CABLES2: variants seen among roughly 807,000 people sequenced by gnomAD.
CABLES2 encodes the protein CDK5 and ABL1 enzyme substrate 2.
A neutral mutation model predicts 44.8 loss-of-function variants in CABLES2; 35 were observed. The observed-to-expected ratio is 0.78, with a 90% CI of 0.60 to 1.04. CABLES2 has a LOEUF of 1.04. CABLES2 is among the 50% of genes least tolerant of loss of function. CABLES2 has a pLI of 0.00. For synonymous variants in CABLES2, 282 were observed against 281.1 expected, an observed-to-expected ratio of 1.00 and a Z score of -0.03; for missense variants, 566 against 615.7, an observed-to-expected ratio of 0.92 and a Z score of 0.85.
At chr20:62,400,673 G>T (rs2146427432) in intron 1 of CABLES2, among the ~76,000 whole-genome samples, 1 of 152,296 alleles carries the variant, frequency 6.6e-6, no homozygotes, top group African/African-American at 2.4e-5. Flanking sequence ...GGAGGCCCGT[G>T]GGGGTCCCAG....
intron 1 of CABLES2, 45 bp downstream of exon 1, chr20:62,406,870 C>T: frequency 1.8e-6 from 2 of 1,094,526 alleles, no homozygotes; most frequent in Non-Finnish European, 2.3e-6. Flanking sequence ...CGTCCCCGTC[C>T]CTGTACCCCG....
intron 4 of CABLES2, among the ~76,000 whole-genome samples, 181 bp downstream of exon 4, chr20:62,394,756 G>A (rs776201642): frequency 8.5e-5 from 13 of 152,224 alleles, no homozygotes; most frequent in Non-Finnish European, 1.8e-4. Context: ...GTGAGGACCC[G>A]AAACGGCCCC....
Position 62,396,226 on chromosome 20 carries a change from G to T in CABLES2, c.527+89C>A. Reference sequence around the variant, plus strand: ...TGGGGTGGGCGGGAGCTTTGGGAGTGGAGGGAAGATTGCTTGGCTGACAGG... The same window carrying T: ...TGGGGTGGGCGGGAGCTTTGGGAGTTGAGGGAAGATTGCTTGGCTGACAGG... On this transcript the variant is annotated intron_variant, in intron 3 of 9. Transcript: ENST00000279101. This position sits in a 1 kb window ranked among gnomAD's most constrained non-coding sequence, Gnocchi z 5.7. The T allele has an allele frequency of 9.0e-7, 1 of 1,108,960 alleles. No individual in the cohort carries two copies. Among genetic ancestry groups the T allele is most frequent in the Non-Finnish European group, 1.4e-6 (1 of 727,312 alleles). The allele number at this position is 1,108,960 out of a possible 1,614,324, so 68.7% of individuals were successfully genotyped here. A position where few individuals can be genotyped will look rare whatever the true frequency, so the allele number is the denominator to read the frequency against.
At chr20:62,394,107 C>T in intron 5 of CABLES2, 50 bp downstream of exon 5, 1 of 1,475,742 alleles carries the variant, frequency 6.8e-7, no homozygotes, top group Non-Finnish European at 9.5e-7. Flanking sequence ...CTCCCACCCG[C>T]CTGCCTGGCC....
In CABLES2 at chr20:62,388,771, A is replaced by C. The variant is rs1987847682; in HGVS notation, c.*2200T>G. 2.2e-6 allele frequency: 1 copy of C among 463,108 alleles called. No individual in the cohort carries two copies. The highest frequency in any genetic ancestry group is 3.9e-6 in the Non-Finnish European group (1 of 256,602). The allele number at this position is 463,108 out of a possible 1,614,324, so 28.7% of individuals were successfully genotyped here. On this transcript the variant is annotated 3_prime_UTR_variant, in exon 10 of 10. Coordinates refer to ENST00000279101, the MANE Select transcript of CABLES2 (RefSeq NM_031215.3). ...CACAACTGCTACCGGTGCGGAAGCA[A>C]CGCCAGGCCTGGTTCTGTATAGTCA... is the stretch of plus-strand genomic sequence containing the variant.
Position 62,406,985 on chromosome 20 carries a change from G to A in CABLES2, c.292C>T (p.Pro98Ser). The change falls in exon 1 of 10, where the codon CCC (proline) becomes TCC (serine). Residue 98 changes from proline (P) to serine (S), a missense_variant. Around this residue, in one of 2 missense-constraint regions of CABLES2, gnomAD observed 436 missense variants for 536.3 expected, o/e 0.81. Transcript: ENST00000279101. Reference protein sequence around the residue: ...EPPTGLPARTPAPQGLLSPTQ... With the variant: ...EPPTGLPARTSAPQGLLSPTQ... ...GGGCTGAGCAGGCCCTGGGGCGCGG[G>A]GGTCCTGGCGGGCAGCCCGGTGGGG... 2 of 1,200,440 alleles carry A rather than the reference G, an allele frequency of 1.7e-6. No homozygotes were observed. Among genetic ancestry groups the A allele is most frequent in the Non-Finnish European group, 2.1e-6 (2 of 967,740 alleles). 74.4% of individuals were successfully genotyped at this position (1,200,440 alleles called of 1,614,324 possible).
Position 62,391,177 on chromosome 20 carries a change from GC to G in CABLES2, c.1297-67del. On this transcript the variant is annotated intron_variant, in intron 9 of 9. Coordinates refer to ENST00000279101, the MANE Select transcript of CABLES2 (RefSeq NM_031215.3). The surrounding 1 kb of genome is among the most constrained non-coding windows in gnomAD (Gnocchi z 5.7). ...CTCTTCCACATTTCCCACCCGGCCA[GC>G]CCCATCCCAGCAGTGGCCCTGGCTC... 1 of 1,604,530 alleles carries G rather than the reference GC, an allele frequency of 6.2e-7. No individual in the cohort carries two copies.
intron 3 of CABLES2, among the ~76,000 whole-genome samples, chr20:62,395,270 C>G (rs578197176): frequency 1.1e-3 from 161 of 152,070 alleles, no homozygotes; most frequent in African/African-American, 3.8e-3. Context: ...CGCCGCTGCA[C>G]GTGGGCAGGC....
chr20:62,403,069 C>G (rs1217670915), intron 1 of CABLES2: 1 of 152,308 alleles, frequency 6.6e-6, no homozygotes, highest in Non-Finnish European at 1.5e-5. Flanking sequence ...CCCTCCAGAA[C>G]TGGGGGGCTC....
intron 1 of CABLES2, among the ~76,000 whole-genome samples, chr20:62,398,141 G>GT (rs1189234695): frequency 4.3e-4 from 61 of 141,934 alleles, no homozygotes; most frequent in Middle Eastern, 3.6e-3. Flanking sequence ...CGGTGGTGAT[G>GT]GTGGTGGTGG....
intron 7 of CABLES2, 101 bp from the exon 8 acceptor site, chr20:62,392,596 A>G: frequency 2.3e-6 from 2 of 885,026 alleles, no homozygotes; most frequent in South Asian, 2.8e-5. Context: ...GTTTGCAAAC[A>G]TGCATACGGT....
In CABLES2 at chr20:62,398,149, TGGTGGTGAC is replaced by T. The variant is rs1569017748; in HGVS notation, c.363-1566_363-1558del. ...GTTATGACGGTGGTGATGGTGGTGG[TGGTGGTGAC>T]GGTGATGGTGGTAATGGTGGTGGTG... is the stretch of plus-strand genomic sequence containing the variant. On this transcript the variant is annotated intron_variant, in intron 1 of 9. Coordinates refer to ENST00000279101, the MANE Select transcript of CABLES2 (RefSeq NM_031215.3). Among the ~76,000 whole-genome samples the T allele has an allele frequency of 7.8e-4, 110 of 141,772 alleles. 6 individuals are homozygous for T. In the East Asian group the frequency reaches 0.021, roughly 27 times the overall value. 93.0% of individuals were successfully genotyped at this position (141,772 alleles called of 152,430 possible).
At chr20:62,395,335 G>C (rs1987999253) in intron 3 of CABLES2, among the ~76,000 whole-genome samples, 1 of 152,200 alleles carries the variant, frequency 6.6e-6, no homozygotes, top group South Asian at 2.1e-4. Flanking sequence ...AGGGCTGGCG[G>C]CCTCACCTCA....
chr20:62,396,271 A>T lies in CABLES2; in HGVS notation c.527+44T>A. 6.4e-7 allele frequency: 1 copy of T among 1,550,810 alleles called. No homozygotes were observed. Among genetic ancestry groups the T allele is most frequent in the South Asian group, 1.1e-5 (1 of 89,820 alleles). ...GACAGGGGCAGGACCCCGTGGGCTT[A>T]TGGAGACCACAGCCCTGGCCCGGTT... On this transcript the variant is annotated intron_variant, in intron 3 of 9. Coordinates refer to ENST00000279101, the MANE Select transcript of CABLES2 (RefSeq NM_031215.3). The surrounding 1 kb of genome is among the most constrained non-coding windows in gnomAD (Gnocchi z 5.7).
Position 62,396,092 on chromosome 20 carries a change from C to T in CABLES2, c.527+223G>A, listed in dbSNP as rs1431880676. Among the ~76,000 whole-genome samples, 1 of 152,220 alleles carries T rather than the reference C, an allele frequency of 6.6e-6. No homozygotes were observed. Among genetic ancestry groups the T allele is most frequent in the Non-Finnish European group, 1.5e-5 (1 of 68,052 alleles). ...CACGTGTGACCCTTCACCTGGGAGCCCAGAGAGGGTGATCTCGCTGTGGTG... is the reference window on the plus strand; with the variant it reads ...CACGTGTGACCCTTCACCTGGGAGCTCAGAGAGGGTGATCTCGCTGTGGTG... On this transcript the variant is annotated intron_variant, in intron 3 of 9. Transcript: ENST00000279101. This position sits in a 1 kb window ranked among gnomAD's most constrained non-coding sequence, Gnocchi z 5.7.
chr20:62,396,394 ATG>A lies in CABLES2; in HGVS notation c.446_447del (p.Thr149IlefsTer7), dbSNP rs1988020705. On this transcript the variant is annotated frameshift_variant, in exon 3 of 10. Transcript: ENST00000279101. LOFTEE classifies it high-confidence loss of function. The surrounding 1 kb of genome is among the most constrained non-coding windows in gnomAD (Gnocchi z 5.7). ...AGGCCTTTATGTCTCGGTGATCCAG[ATG>A]TGTGTTTGGTTCTGCAAGGCAAAGG... ...GCAPAQRTKHTSGSPRHKGLK... is the reference protein window; with the variant it reads ...GCAPAQRTKHXSGSPRHKGLK... 1.9e-6 allele frequency: 3 copies of A among 1,612,450 alleles called. No homozygotes were observed. The highest frequency in any genetic ancestry group is 2.5e-6 in the Non-Finnish European group (3 of 1,179,592).
chr20:62,390,814 G>T lies in CABLES2; in HGVS notation c.*157C>A. 1 of 782,052 alleles carries T rather than the reference G, an allele frequency of 1.3e-6. No homozygotes were observed. The highest frequency in any genetic ancestry group is 2.0e-6 in the Non-Finnish European group (1 of 493,048). 48.4% of individuals were successfully genotyped at this position (782,052 alleles called of 1,614,324 possible). Reference sequence around the variant, plus strand: ...AGCGACGTCTCTTTCCAAGGAAATGGCAAAGAGGCAAAAAGGAAAGCTGCA... The same window carrying T: ...AGCGACGTCTCTTTCCAAGGAAATGTCAAAGAGGCAAAAAGGAAAGCTGCA... On this transcript the variant is annotated 3_prime_UTR_variant, in exon 10 of 10. Transcript: ENST00000279101.
intron 5 of CABLES2, 107 bp from the exon 6 acceptor site, chr20:62,393,712 G>T: frequency 8.3e-7 from 1 of 1,203,956 alleles, no homozygotes; most frequent in Non-Finnish European, 1.1e-6. Flanking sequence ...GCCCTGCATG[G>T]AAAATGAAGG....
rs900955945 is a variant in CABLES2, at chr20:62,396,640, C to A, written c.363-48G>T. On this transcript the variant is annotated intron_variant, in intron 1 of 9. Transcript: ENST00000279101. This position sits in a 1 kb window ranked among gnomAD's most constrained non-coding sequence, Gnocchi z 5.7. The stretch of plus-strand genomic sequence containing the variant: ...CAAAACAGGCCACCAGCCCGGGTGC[C>A]GCCTTTGTGGCCAGAAACCGAGTGC... 1.9e-6 allele frequency: 3 copies of A among 1,566,014 alleles called. No individual in the cohort carries two copies. The highest frequency in any genetic ancestry group is 2.6e-6 in the Non-Finnish European group (3 of 1,152,952).
Sources: gnomAD v4.1 joint callset for allele counts (sites outside exome capture counted in the v4.1 genomes callset) on GRCh38, gnomAD v4.1.1 for gene constraint, gnomAD v4.1.1 regional missense constraint, Gnocchi (gnomAD v3.1) non-coding constraint, MANE v1.5 for transcripts, NCBI Gene and HGNC (gene_info 2026-07-23, HGNC 2026-07-21) for gene names.